GALNT14: variants seen among roughly 807,000 people sequenced by gnomAD.
GALNT14 encodes the protein polypeptide N-acetylgalactosaminyltransferase 14, also known as UDP-GalNAc:polypeptide N-acetylgalactosaminyltransferase 14.
In GALNT14, 60 loss-of-function variants were observed where a neutral mutation model predicts 77.5. That is an observed-to-expected ratio of 0.77 (90% confidence interval 0.63 to 0.96). The LOEUF is 0.96. GALNT14 is among the 40% of genes least tolerant of loss of function. The pLI, the probability that GALNT14 is intolerant of heterozygous loss-of-function variation, is 0.00. For synonymous variants in GALNT14, 280 were observed against 281.7 expected, an observed-to-expected ratio of 0.99 and a Z score of 0.06; for missense variants, 710 against 731.0, an observed-to-expected ratio of 0.97 and a Z score of 0.33.
At chr2:30,999,237 C>T (rs1046306288) in intron 1 of GALNT14, among the ~76,000 whole-genome samples, 4 of 152,148 alleles carry the variant, frequency 2.6e-5, no homozygotes, top group African/African-American at 7.2e-5. Flanking sequence ...CAGCTAGTGA[C>T]ACAGAGGTCC....
At chr2:30,919,399 G>C (rs1181811567) in intron 13 of GALNT14, among the ~76,000 whole-genome samples, 1 of 152,196 alleles carries the variant, frequency 6.6e-6, no homozygotes, top group Non-Finnish European at 1.5e-5. Flanking sequence ...TCGGGAGCCA[G>C]TGTCAGAACC....
intron 3 of GALNT14, among the ~76,000 whole-genome samples, chr2:30,965,847 C>A (rs1045384515): frequency 1.3e-5 from 2 of 152,074 alleles, no homozygotes; most frequent in Admixed American, 1.3e-4. Flanking sequence ...GTGCACTCAG[C>A]CTTTCAGGGC....
At chr2:30,972,892 T>G (rs1310638383) in intron 2 of GALNT14, among the ~76,000 whole-genome samples, 1 of 152,184 alleles carries the variant, frequency 6.6e-6, no homozygotes, top group East Asian at 1.9e-4. Flanking sequence ...AAACAGGGGC[T>G]TCCACTGGAG....
At chr2:31,007,260 G>T (rs1670736928) in intron 1 of GALNT14, among the ~76,000 whole-genome samples, 2 of 152,162 alleles carry the variant, frequency 1.3e-5, no homozygotes, top group African/African-American at 2.4e-5. Context: ...GAAGCTGGGA[G>T]AAATCCTACA....
At chr2:31,123,574 A>G (rs1678530706) in intron 1 of GALNT14, among the ~76,000 whole-genome samples, 1 of 152,234 alleles carries the variant, frequency 6.6e-6, no homozygotes, top group African/African-American at 2.4e-5. Flanking sequence ...TTTCAAAAAA[A>G]TCACTAAAAT....
chr2:30,978,566 C>T (rs921902631), intron 2 of GALNT14, among the ~76,000 whole-genome samples: 6 of 152,124 alleles, frequency 3.9e-5, no homozygotes, highest in Admixed American at 6.5e-5. Context: ...TATGCGTGAA[C>T]GTGGATAATT....
intron 12 of GALNT14, among the ~76,000 whole-genome samples, 185 bp downstream of exon 12, chr2:30,924,555 T>C (rs1665241444): frequency 6.6e-6 from 1 of 152,160 alleles, no homozygotes; most frequent in African/African-American, 2.4e-5. Context: ...TAATCCTTCA[T>C]GCTATTGATT....
chr2:30,950,569 C>T (rs1666969105), intron 6 of GALNT14, among the ~76,000 whole-genome samples: 1 of 152,186 alleles, frequency 6.6e-6, no homozygotes, highest in African/African-American at 2.4e-5. Flanking sequence ...ACCCCCTGTC[C>T]CCAAAGGGCT....
At chr2:31,006,574 A>G (rs1670685812) in intron 1 of GALNT14, among the ~76,000 whole-genome samples, 2 of 152,198 alleles carry the variant, frequency 1.3e-5, no homozygotes, top group African/African-American at 4.8e-5. Context: ...ACAACCTTGC[A>G]AAGTCCCTGC....
chr2:31,098,890 T>TAA (rs1207779489), intron 1 of GALNT14, among the ~76,000 whole-genome samples: 2 of 152,120 alleles, frequency 1.3e-5, no homozygotes, highest in Admixed American at 1.3e-4. Flanking sequence ...TACTATTCAG[T>TAA]AAGCGGAAGA....
chr2:31,043,252 C>G (rs1283320841), intron 1 of GALNT14, among the ~76,000 whole-genome samples: 1 of 152,218 alleles, frequency 6.6e-6, no homozygotes, highest in Non-Finnish European at 1.5e-5. Context: ...ATGCTGTAGC[C>G]TGCTCCTGCC....
At chr2:30,949,709 T>G (rs766592201) in intron 6 of GALNT14, among the ~76,000 whole-genome samples, 1 of 152,258 alleles carries the variant, frequency 6.6e-6, no homozygotes, top group Non-Finnish European at 1.5e-5. Flanking sequence ...AAAAAGCTCC[T>G]AGAGATGTCC....
intron 11 of GALNT14, among the ~76,000 whole-genome samples, chr2:30,928,166 T>C (rs1304347409): frequency 6.6e-6 from 1 of 152,076 alleles, no homozygotes; most frequent in African/African-American, 2.4e-5. Context: ...GCAGCATGGA[T>C]TTATGGTTTC....
chr2:30,909,166 A>G (rs1664234956), downstream of GALNT14, among the ~76,000 whole-genome samples: 1 of 151,544 alleles, frequency 6.6e-6, no homozygotes, highest in Non-Finnish European at 1.5e-5. Flanking sequence ...CTTCATGTCT[A>G]AAACACCAAA....
intron 6 of GALNT14, among the ~76,000 whole-genome samples, chr2:30,952,217 A>C (rs913705306): frequency 2.0e-5 from 3 of 152,222 alleles, no homozygotes; most frequent in Non-Finnish European, 4.4e-5. Context: ...GGAAAAAGAT[A>C]CTGAATGGAA....
At chr2:31,104,527 A>G (rs748822658) in intron 1 of GALNT14, among the ~76,000 whole-genome samples, 2 of 152,188 alleles carry the variant, frequency 1.3e-5, no homozygotes, top group African/African-American at 4.8e-5. Context: ...AATTTCTGAA[A>G]TATCCCAACA....
In GALNT14 at chr2:31,077,101, G is replaced by A. The variant is rs557429319; in HGVS notation, c.129+60857C>T. The stretch of plus-strand genomic sequence containing the variant: ...TTGGATTCTGCAGAAAATGTGCTAC[G>A]CTATTACAAACATCACCCCATTTGT... On this transcript the variant is annotated intron_variant, in intron 1 of 14. Coordinates refer to ENST00000349752, the MANE Select transcript of GALNT14 (RefSeq NM_024572.4). Among the ~76,000 whole-genome samples the A allele has an allele frequency of 5.3e-5, 8 of 152,242 alleles. No individual in the cohort carries two copies. The East Asian group carries it at 1.5e-3, about 29-fold the overall frequency.
chr2:31,021,459 G>A (rs372911269), intron 1 of GALNT14, among the ~76,000 whole-genome samples: 48 of 151,206 alleles, frequency 3.2e-4, no homozygotes, highest in African/African-American at 1.1e-3. Context: ...CGCCCACCAC[G>A]ACACCTGGCT....
At chr2:30,924,423 T>G in intron 12 of GALNT14, 160 bp from the exon 13 acceptor site, 1 of 743,156 alleles carries the variant, frequency 1.3e-6, no homozygotes. Context: ...AAGAATGAGG[T>G]GGCAAGGAAA....
Sources: gnomAD v4.1 joint callset for allele counts (sites outside exome capture counted in the v4.1 genomes callset) on GRCh38, gnomAD v4.1.1 for gene constraint, MANE v1.5 for transcripts, NCBI Gene and HGNC (gene_info 2026-07-23, HGNC 2026-07-21) for gene names.